Variants in RAD51B observed in about 807,000 individuals in gnomAD.
The protein encoded by RAD51B is DNA repair protein RAD51 homolog 2.
In RAD51B, 38 loss-of-function variants were observed where a neutral mutation model predicts 42.2. The ratio of observed to expected loss-of-function variants is 0.90; its 90% CI spans 0.70 to 1.18. RAD51B has a LOEUF of 1.18. Ranked by LOEUF, RAD51B falls within the 50% of genes most tolerant of loss-of-function variation. The pLI is 0.00. For synonymous variants in RAD51B, 154 were observed against 145.2 expected (o/e 1.06, Z -0.43); for missense variants, 373 against 400.7 (o/e 0.93, Z 0.59).
intron 8 of RAD51B, among the ~76,000 whole-genome samples, chr14:68,331,136 G>A (rs771916462): frequency 6.6e-6 from 1 of 151,964 alleles, no homozygotes; most frequent in African/African-American, 2.4e-5. Context: ...GGCCAAGGCG[G>A]GTAGATCATG....
At chr14:68,213,193 C>A (rs941718092) in intron 7 of RAD51B, among the ~76,000 whole-genome samples, 3 of 152,130 alleles carry the variant, frequency 2.0e-5, no homozygotes, top group African/African-American at 7.2e-5. Flanking sequence ...CTAATAACAA[C>A]CATATGTAGC....
intron 7 of RAD51B, among the ~76,000 whole-genome samples, chr14:68,287,105 G>T (rs1269437486): frequency 1.3e-5 from 2 of 152,102 alleles, no homozygotes; most frequent in Non-Finnish European, 2.9e-5. Flanking sequence ...ATCTTTAACT[G>T]GTTCCCCTCT....
At chr14:68,315,361 A>G (rs1271050014) in intron 8 of RAD51B, among the ~76,000 whole-genome samples, 1 of 152,162 alleles carries the variant, frequency 6.6e-6, no homozygotes, top group African/African-American at 2.4e-5. Flanking sequence ...GGACTATCTG[A>G]TCTTTGCAAA....
chr14:68,346,656 TCTTGTA>T (rs1221744507), intron 8 of RAD51B, among the ~76,000 whole-genome samples: 1 of 152,220 alleles, frequency 6.6e-6, no homozygotes, highest in East Asian at 1.9e-4. Context: ...ATTGTGTTAC[TCTTGTA>T]CTTGAAATCC....
chr14:68,307,543 A>G (rs1191991356), intron 8 of RAD51B, among the ~76,000 whole-genome samples: 1 of 152,150 alleles, frequency 6.6e-6, no homozygotes, highest in Non-Finnish European at 1.5e-5. Flanking sequence ...CCTGAAATCT[A>G]TATGTGGGAA....
chr14:68,682,037 T>C (rs1214100165), intron 11 of RAD51B, among the ~76,000 whole-genome samples: 1 of 152,106 alleles, frequency 6.6e-6, no homozygotes, highest in East Asian at 1.9e-4. Context: ...AAACCACTCG[T>C]ACCCCCAAAA....
intron 7 of RAD51B, among the ~76,000 whole-genome samples, chr14:68,168,469 G>T (rs2140848498): frequency 6.6e-6 from 1 of 152,182 alleles, no homozygotes; most frequent in East Asian, 1.9e-4. Context: ...CAGACTGTTT[G>T]CCTGAACCTT....
chr14:68,547,488 T>A (rs1242197092), intron 10 of RAD51B, among the ~76,000 whole-genome samples: 1 of 152,190 alleles, frequency 6.6e-6, no homozygotes, highest in East Asian at 1.9e-4. Context: ...ATGCTCTGGC[T>A]GAAGGAAGGA....
downstream of RAD51B, among the ~76,000 whole-genome samples, chr14:68,613,475 A>ATTT (rs1891751111): frequency 7.1e-6 from 1 of 140,288 alleles, no homozygotes. Context: ...TTTTTTTGAG[A>ATTT]TGGAGTCTCA....
At chr14:68,663,606 A>G (rs1317073991) in intron 11 of RAD51B, among the ~76,000 whole-genome samples, 1 of 152,056 alleles carries the variant, frequency 6.6e-6, no homozygotes, top group Non-Finnish European at 1.5e-5. Flanking sequence ...CTGCTCAATT[A>G]CCCCATTTGA....
intron 8 of RAD51B, among the ~76,000 whole-genome samples, chr14:68,409,067 G>A (rs565288930): frequency 6.6e-6 from 1 of 152,170 alleles, no homozygotes; most frequent in Non-Finnish European, 1.5e-5. Flanking sequence ...CTTTTTAGGG[G>A]TTTGAAATGT....
chr14:68,042,546 T>C (rs1312436910), intron 7 of RAD51B, among the ~76,000 whole-genome samples: 1 of 152,244 alleles, frequency 6.6e-6, no homozygotes, highest in African/African-American at 2.4e-5. Flanking sequence ...TTCAATTTTG[T>C]AATTATTTAG....
chr14:68,282,393 C>T (rs2081336781), intron 7 of RAD51B, among the ~76,000 whole-genome samples: 1 of 152,166 alleles, frequency 6.6e-6, no homozygotes, highest in Non-Finnish European at 1.5e-5. Flanking sequence ...GAAGCCTGCC[C>T]CTACTTACCA....
chr14:68,218,397 A>C (rs2079857911), intron 7 of RAD51B, among the ~76,000 whole-genome samples: 1 of 152,244 alleles, frequency 6.6e-6, no homozygotes, highest in Non-Finnish European at 1.5e-5. Flanking sequence ...TGTAAATATC[A>C]TTGGCAGTTG....
intron 7 of RAD51B, among the ~76,000 whole-genome samples, chr14:67,953,263 G>C (rs1937238617): frequency 6.6e-6 from 1 of 152,086 alleles, no homozygotes; most frequent in Non-Finnish European, 1.5e-5. Context: ...AGATGGGATT[G>C]GGGTAGGAGT....
In RAD51B at chr14:68,216,617, A is replaced by G. The variant is rs146154596; in HGVS notation, c.757-75267A>G. On this transcript the variant is annotated intron_variant, in intron 7 of 10. Transcript: ENST00000471583. ...TGTCAAAGTCTTCTTAAAGAATCCC[A>G]TCTAAGTTCTATTATCCCAGTGGTT... Among the ~76,000 whole-genome samples, 1,250 of 152,306 alleles carry G rather than the reference A, an allele frequency of 8.2e-3. 4 individuals are homozygous for G. The highest frequency in any genetic ancestry group is 0.011 in the Non-Finnish European group (725 of 68,024).
At chr14:68,435,498 T>G (rs1365657627) in intron 9 of RAD51B, among the ~76,000 whole-genome samples, 8 of 151,780 alleles carry the variant, frequency 5.3e-5, no homozygotes, top group East Asian at 1.9e-4. Flanking sequence ...TTTGGTTTTT[T>G]TTTTTTTTTT....
At chr14:67,824,060 G>T (rs536239107) in intron 2 of RAD51B, among the ~76,000 whole-genome samples, 17 of 152,284 alleles carry the variant, frequency 1.1e-4, no homozygotes, top group African/African-American at 3.9e-4. Flanking sequence ...CCTTAGCAGG[G>T]TAAATAAGAT....
chr14:68,296,163 A>G (rs923258324), intron 8 of RAD51B, among the ~76,000 whole-genome samples: 3 of 152,182 alleles, frequency 2.0e-5, no homozygotes, highest in Non-Finnish European at 1.5e-5. Context: ...TCATTGGGTG[A>G]ATGTTTCTGA....
Sources: gnomAD v4.1 joint callset for allele counts (sites outside exome capture counted in the v4.1 genomes callset) on GRCh38, gnomAD v4.1.1 for gene constraint, MANE v1.5 for transcripts, NCBI Gene and HGNC (gene_info 2026-07-23, HGNC 2026-07-21) for gene names.